Variants in EYA4 observed in about 807,000 individuals in gnomAD.
EYA4 encodes the protein protein phosphatase EYA4.
A neutral mutation model predicts 87.9 loss-of-function variants in EYA4; 31 were observed. The ratio of observed to expected loss-of-function variants is 0.35; its 90% CI spans 0.27 to 0.48. The LOEUF (loss-of-function observed/expected upper bound fraction) is 0.48, where lower values mean the gene tolerates loss of function less well. Among genes scored for constraint, EYA4 ranks in the 20% least tolerant of loss-of-function variants. The probability of loss-of-function intolerance (pLI) is 0.99; values close to 1 mark genes in which losing one functional copy is unlikely to be tolerated. For missense variants in EYA4, 678 were observed against 761.4 expected, an observed-to-expected ratio of 0.89 and a Z score of 1.29; for synonymous variants, 263 against 270.6, an observed-to-expected ratio of 0.97 and a Z score of 0.28.
intron 10 of EYA4, among the ~76,000 whole-genome samples, chr6:133,467,716 G>C (rs1398219890): frequency 6.6e-6 from 1 of 151,796 alleles, no homozygotes; most frequent in Non-Finnish European, 1.5e-5. Context: ...CATTTCATCA[G>C]GGGATCTTAA....
At chr6:133,284,916 A>C (rs1392956052) in intron 2 of EYA4, among the ~76,000 whole-genome samples, 1 of 152,138 alleles carries the variant, frequency 6.6e-6, no homozygotes, top group Non-Finnish European at 1.5e-5. Flanking sequence ...AGAAAAACCA[A>C]ATAAAGCAGG....
chr6:133,524,959 A>G, intron 18 of EYA4, 195 bp from the exon 19 acceptor site: 1 of 1,433,928 alleles, frequency 7.0e-7, no homozygotes, highest in Middle Eastern at 1.8e-4. Flanking sequence ...CACTTTATGA[A>G]TCTTTAGGTT....
intron 17 of EYA4, among the ~76,000 whole-genome samples, chr6:133,521,501 T>C (rs1309465431): frequency 2.2e-5 from 3 of 137,660 alleles, no homozygotes; most frequent in Admixed American, 1.5e-4. Context: ...ATAGGAACAC[T>C]TTTACACTGT....
chr6:133,452,545 T>C (rs1362502078), intron 5 of EYA4, among the ~76,000 whole-genome samples: 1 of 152,120 alleles, frequency 6.6e-6, no homozygotes, highest in African/African-American at 2.4e-5. Flanking sequence ...AATAAGTGTA[T>C]GGCAGTAGGG....
chr6:133,252,812 T>G (rs565309073), intron 1 of EYA4, among the ~76,000 whole-genome samples: 3 of 152,278 alleles, frequency 2.0e-5, no homozygotes, highest in East Asian at 1.9e-4. Context: ...TCCACACTTA[T>G]GCATTGTCTA....
chr6:133,278,234 T>C (rs1777336799), intron 2 of EYA4, among the ~76,000 whole-genome samples: 1 of 152,188 alleles, frequency 6.6e-6, no homozygotes, highest in African/African-American at 2.4e-5. Context: ...CTGTAATTCT[T>C]GAAGACTCAG....
intron 10 of EYA4, among the ~76,000 whole-genome samples, 171 bp downstream of exon 10, chr6:133,465,029 G>A (rs936585052): frequency 1.3e-5 from 2 of 152,052 alleles, no homozygotes; most frequent in Non-Finnish European, 2.9e-5. Context: ...CTTGGAATAT[G>A]CATTATTCTG....
intron 2 of EYA4, among the ~76,000 whole-genome samples, chr6:133,346,971 A>C (rs1272864026): frequency 6.6e-6 from 1 of 151,662 alleles, no homozygotes; most frequent in Non-Finnish European, 1.5e-5. Context: ...GTAAAGATGA[A>C]GATCCAGTCC....
chr6:133,305,071 A>T (rs949362023), intron 2 of EYA4, among the ~76,000 whole-genome samples: 8 of 152,160 alleles, frequency 5.3e-5, no homozygotes, highest in African/African-American at 1.7e-4. Flanking sequence ...ATGGAGGCCC[A>T]ATTAATTGAG....
chr6:133,262,625 A>G (rs1431346515), intron 1 of EYA4, among the ~76,000 whole-genome samples: 2 of 152,254 alleles, frequency 1.3e-5, no homozygotes, highest in Non-Finnish European at 1.5e-5. Flanking sequence ...ATCATAATTT[A>G]TAATTCCAGG....
chr6:133,448,452 C>T (rs1793080170), intron 5 of EYA4, among the ~76,000 whole-genome samples: 2 of 152,044 alleles, frequency 1.3e-5, no homozygotes, highest in African/African-American at 2.4e-5. Flanking sequence ...GGTTTTCTAA[C>T]TATTTATCAG....
intron 2 of EYA4, among the ~76,000 whole-genome samples, chr6:133,300,535 A>G (rs575233447): frequency 1.1e-4 from 16 of 152,114 alleles, no homozygotes; most frequent in African/African-American, 3.9e-4. Flanking sequence ...TTATTATTAG[A>G]GATGGAGTCT....
At chr6:133,453,830 C>G (rs1347097519) in intron 5 of EYA4, among the ~76,000 whole-genome samples, 1 of 152,100 alleles carries the variant, frequency 6.6e-6, no homozygotes, top group Non-Finnish European at 1.5e-5. Context: ...TTACTCCTCT[C>G]TTCATATACT....
intron 7 of EYA4, among the ~76,000 whole-genome samples, chr6:133,461,442 T>C (rs1441458594): frequency 6.6e-6 from 1 of 152,152 alleles, no homozygotes; most frequent in Non-Finnish European, 1.5e-5. Flanking sequence ...TCTAAAGAGA[T>C]TACATTTTAT....
chr6:133,326,936 C>T (rs1008128081), intron 2 of EYA4, among the ~76,000 whole-genome samples: 2 of 152,138 alleles, frequency 1.3e-5, no homozygotes, highest in African/African-American at 4.8e-5. Flanking sequence ...CCTTCCATCC[C>T]TCCTGCCCCT....
chr6:133,528,177 G>T (rs537912527), intron 19 of EYA4, among the ~76,000 whole-genome samples: 2 of 152,160 alleles, frequency 1.3e-5, no homozygotes, highest in East Asian at 3.9e-4. Flanking sequence ...TTAAGTTATT[G>T]GTTGTCCCAG....
At chr6:133,500,949 A>G (rs1798064419) in intron 13 of EYA4, among the ~76,000 whole-genome samples, 1 of 152,132 alleles carries the variant, frequency 6.6e-6, no homozygotes, top group Non-Finnish European at 1.5e-5. Flanking sequence ...TTCTTGGCTT[A>G]TCTTGCTGGG....
chr6:133,500,160 G>T (rs906249758), intron 13 of EYA4, among the ~76,000 whole-genome samples: 1 of 151,562 alleles, frequency 6.6e-6, no homozygotes, highest in Non-Finnish European at 1.5e-5. Flanking sequence ...TCTCAATTTC[G>T]TTTGTACATT....
chr6:133,465,732 A>G (rs999225129), intron 10 of EYA4, among the ~76,000 whole-genome samples: 4 of 152,162 alleles, frequency 2.6e-5, no homozygotes, highest in Non-Finnish European at 5.9e-5. Context: ...TATATATTCT[A>G]AAATGTAAGT....
Sources: allele counts gnomAD v4.1 joint callset (sites outside exome capture counted in the v4.1 genomes callset), GRCh38; gene constraint gnomAD v4.1.1; transcripts MANE v1.5; gene names NCBI Gene and HGNC (gene_info 2026-07-23, HGNC 2026-07-21).